Variants in TMEM132D observed in about 807,000 individuals in gnomAD.
The protein encoded by TMEM132D is transmembrane protein 132D, also known as mature OL transmembrane protein.
TMEM132D carries 21 observed loss-of-function variants against 62.3 expected under a neutral mutation model. The observed-to-expected ratio is 0.34, with a 90% confidence interval of 0.24 to 0.49. TMEM132D has a LOEUF of 0.49. Ranked by LOEUF, TMEM132D falls within the 20% of genes least tolerant of loss-of-function variation. The pLI is 0.99. For missense variants in TMEM132D, 1,346 were observed against 1,402.8 expected (o/e 0.96, Z 0.65); for synonymous variants, 621 against 575.6 (o/e 1.08, Z -1.13).
Position 129,388,372 on chromosome 12 carries a change from G to A in TMEM132D, c.1116-50555C>T, listed in dbSNP as rs1487095269. Reference sequence around the variant, plus strand: ...CTAACACCAACACCAATCCAGCACTGATGATAATATTAACACTAACACGAA... The same window carrying A: ...CTAACACCAACACCAATCCAGCACTAATGATAATATTAACACTAACACGAA... On this transcript the variant is annotated intron_variant, in intron 3 of 8. Transcript: ENST00000422113. Among the ~76,000 whole-genome samples, 4 of 68,394 alleles carry A rather than the reference G, an allele frequency of 5.8e-5. No homozygotes were observed. In the East Asian group the frequency reaches 1.7e-3, roughly 28 times the overall value. The allele number at this position is 68,394 out of a possible 152,430, so 44.9% of individuals were successfully genotyped here.
At chr12:129,298,066 A>G (rs976201781) in intron 4 of TMEM132D, among the ~76,000 whole-genome samples, 8 of 152,102 alleles carry the variant, frequency 5.3e-5, no homozygotes, top group Admixed American at 2.0e-4. Flanking sequence ...AATACATATC[A>G]CCAACTCATG....
chr12:129,792,488 G>T (rs1388566194), intron 1 of TMEM132D, among the ~76,000 whole-genome samples: 1 of 152,186 alleles, frequency 6.6e-6, no homozygotes, highest in Admixed American at 6.5e-5. Context: ...TCCATGGATT[G>T]TCTCATTCAT....
chr12:129,761,917 T>G (rs1276970519), intron 1 of TMEM132D, among the ~76,000 whole-genome samples: 2 of 152,122 alleles, frequency 1.3e-5, no homozygotes, highest in South Asian at 4.1e-4. Flanking sequence ...ATGGCCAAAA[T>G]GGGTCCTAGG....
chr12:129,514,730 G>A (rs765718256), intron 3 of TMEM132D, among the ~76,000 whole-genome samples: 1 of 152,136 alleles, frequency 6.6e-6, no homozygotes, highest in African/African-American at 2.4e-5. Context: ...TGTGTGAAAT[G>A]ATCATTGATG....
At chr12:129,797,602 C>G (rs1253521000) in intron 1 of TMEM132D, among the ~76,000 whole-genome samples, 1 of 152,138 alleles carries the variant, frequency 6.6e-6, no homozygotes, top group Non-Finnish European at 1.5e-5. Flanking sequence ...ACATGAGAGA[C>G]CCTGTGTGTG....
intron 2 of TMEM132D, among the ~76,000 whole-genome samples, chr12:129,541,843 T>C (rs917748714): frequency 1.3e-5 from 2 of 152,320 alleles, no homozygotes; most frequent in East Asian, 1.9e-4. Flanking sequence ...TTATTACCAT[T>C]ATCTTCTTTG....
At chr12:129,594,263 A>G (rs1238339731) in intron 2 of TMEM132D, among the ~76,000 whole-genome samples, 2 of 152,176 alleles carry the variant, frequency 1.3e-5, no homozygotes, top group East Asian at 1.9e-4. Flanking sequence ...CTTGAAGATG[A>G]TGATTCGCTT....
chr12:129,705,671 C>A lies in TMEM132D; in HGVS notation c.80-4973G>T, dbSNP rs147256096. ...TTATCTGGGACACCAGAAGGTTAAT[C>A]AAAGTGCAGTACTCAAGAATAGGAA... On this transcript the variant is annotated intron_variant, in intron 1 of 8. Transcript: ENST00000422113. 2.2e-4 allele frequency among the ~76,000 whole-genome samples: 34 copies of A among 152,210 alleles called. 1 individual carries two copies. The highest frequency in any genetic ancestry group is 3.7e-4 in the Non-Finnish European group (25 of 67,990).
intron 5 of TMEM132D, chr12:129,085,295 C>G (rs1874581570): frequency 6.5e-6 from 1 of 152,896 alleles, no homozygotes; most frequent in Non-Finnish European, 1.5e-5. Flanking sequence ...ATGTGCAGAC[C>G]ACTTTCCCCT....
intron 1 of TMEM132D, chr12:129,854,742 A>G (rs1237638485): frequency 6.6e-6 from 1 of 152,204 alleles, no homozygotes; most frequent in Non-Finnish European, 1.5e-5. Flanking sequence ...GCTAGCACCC[A>G]TTTTAAAGAT....
At chr12:129,492,566 A>C (rs561020952) in intron 3 of TMEM132D, among the ~76,000 whole-genome samples, 1 of 152,230 alleles carries the variant, frequency 6.6e-6, no homozygotes, top group South Asian at 2.1e-4. Flanking sequence ...ACATCTTGTA[A>C]TTTTTTGCTG....
In TMEM132D at chr12:129,230,307, A is replaced by AGGGG. The variant is rs10668079; in HGVS notation, c.1300-20648_1300-20645dup. ...CCTTCCTAAACTCCTTCTGTGTTGG[A>AGGGG]GGGGGGGGGCTCCCCAGCCTGGCCA... On this transcript the variant is annotated intron_variant, in intron 4 of 8. Transcript: ENST00000422113. 7.1e-3 allele frequency among the ~76,000 whole-genome samples: 1,004 copies of AGGGG among 140,592 alleles called. 19 individuals carry two copies. The highest frequency in any genetic ancestry group is 0.015 in the Middle Eastern group (4 of 266). The allele number at this position is 140,592 out of a possible 152,430, so 92.2% of individuals were successfully genotyped here.
chr12:129,078,820 AG>A (rs1293303049), intron 7 of TMEM132D, 95 bp from the exon 8 acceptor site: 44 of 1,316,322 alleles, frequency 3.3e-5, no homozygotes, highest in Non-Finnish European at 4.7e-5. Flanking sequence ...AGGCAGCGGC[AG>A]GGCAACATGT....
chr12:129,677,141 T>C (rs1196058396), intron 2 of TMEM132D, among the ~76,000 whole-genome samples: 1 of 152,184 alleles, frequency 6.6e-6, no homozygotes, highest in Non-Finnish European at 1.5e-5. Flanking sequence ...CCCACCCAAA[T>C]CTCATCTTGA....
chr12:129,280,228 A>G (rs1449219513), intron 4 of TMEM132D, among the ~76,000 whole-genome samples: 4 of 152,216 alleles, frequency 2.6e-5, no homozygotes, highest in Non-Finnish European at 5.9e-5. Context: ...CATCTTGTTG[A>G]ATTCTTTTAG....
At chr12:129,441,782 A>G (rs986475584) in intron 3 of TMEM132D, among the ~76,000 whole-genome samples, 3 of 152,234 alleles carry the variant, frequency 2.0e-5, no homozygotes, top group Admixed American at 6.5e-5. Context: ...TCACACATAT[A>G]CACTGTGGAA....
At chr12:129,199,555 C>T (rs1168414129) in intron 5 of TMEM132D, among the ~76,000 whole-genome samples, 2 of 152,130 alleles carry the variant, frequency 1.3e-5, no homozygotes, top group African/African-American at 2.4e-5. Flanking sequence ...TTTCTCTAAA[C>T]TAATATATTT....
intron 1 of TMEM132D, among the ~76,000 whole-genome samples, chr12:129,886,996 T>A (rs962653360): frequency 6.6e-5 from 10 of 152,210 alleles, no homozygotes; most frequent in Non-Finnish European, 1.0e-4. Context: ...GTGAGTCAAT[T>A]AAACCTCTTT....
In TMEM132D at chr12:129,267,328, C is replaced by T. The variant is rs181658897; in HGVS notation, c.1300-57665G>A. Among the ~76,000 whole-genome samples the T allele has an allele frequency of 1.2e-4, 18 of 152,280 alleles. No individual in the cohort carries two copies. The East Asian group carries it at 2.5e-3, about 21-fold the overall frequency. ...ATCTCCTTAAGCTGATAGGCAACTT[C>T]GGCAAAGTCTCAGGATACAAAATCA... On this transcript the variant is annotated intron_variant, in intron 4 of 8. Transcript: ENST00000422113.
Sources: gnomAD v4.1 joint callset for allele counts (sites outside exome capture counted in the v4.1 genomes callset) on GRCh38, gnomAD v4.1.1 for gene constraint, MANE v1.5 for transcripts, NCBI Gene and HGNC (gene_info 2026-07-23, HGNC 2026-07-21) for gene names.